DZIP3: variants seen among roughly 807,000 people sequenced by gnomAD.
DZIP3 encodes E3 ubiquitin-protein ligase DZIP3.
DZIP3 carries 118 observed loss-of-function variants against 162.0 expected under a neutral mutation model. That is an observed-to-expected ratio of 0.73 (90% CI 0.63 to 0.85). The LOEUF is 0.85. Among genes scored for constraint, DZIP3 ranks in the 40% least tolerant of loss-of-function variants. The pLI, the probability that DZIP3 is intolerant of heterozygous loss-of-function variation, is 0.00. For missense variants in DZIP3, 1,331 were observed against 1,407.0 expected (o/e 0.95, Z 0.86); for synonymous variants, 438 against 458.6 (o/e 0.96, Z 0.57).
rs1940689745 is a variant in DZIP3, at chr3:108,611,236, G to A, written c.165G>A (p.Lys55=). Residue 55 remains lysine, a synonymous_variant, in exon 4 of 33, where the codon AAG becomes AAA. Transcript: ENST00000361582. ...CTGTTAACCTACTATTAGAAGTGAAGAAGTTATTAAATGCAATTAATACTC... is the reference window on the plus strand; with the variant it reads ...CTGTTAACCTACTATTAGAAGTGAAAAAGTTATTAAATGCAATTAATACTC... ...LVPVNLLLEV[K]KLLNAINTLP... is the part of the protein sequence containing the mutation. 1 of 1,612,008 alleles carries A rather than the reference G, an allele frequency of 6.2e-7. No homozygotes were observed.
intron 19 of DZIP3, among the ~76,000 whole-genome samples, chr3:108,661,128 T>C (rs1296550204): frequency 6.6e-6 from 1 of 152,190 alleles, no homozygotes; most frequent in East Asian, 1.9e-4. Context: ...AGCCATCCCA[T>C]TACTGGGTAT....
At chr3:108,625,747 A>G in intron 6 of DZIP3, 98 bp from the exon 7 acceptor site, 2 of 1,225,970 alleles carry the variant, frequency 1.6e-6, no homozygotes, top group Non-Finnish European at 2.2e-6. Context: ...TTATTTTTAA[A>G]GCTGCCCTAA....
At chr3:108,626,318 G>A (rs1941587410) in intron 7 of DZIP3, among the ~76,000 whole-genome samples, 1 of 152,142 alleles carries the variant, frequency 6.6e-6, no homozygotes, top group East Asian at 1.9e-4. Context: ...TAATAATAGT[G>A]TAGGGTTCAC....
chr3:108,618,158 A>G (rs1039910052), intron 5 of DZIP3, among the ~76,000 whole-genome samples: 3 of 152,200 alleles, frequency 2.0e-5, no homozygotes, highest in Non-Finnish European at 2.9e-5. Flanking sequence ...ATCTTTGCTG[A>G]TGGGGAGAAG....
Position 108,670,237 on chromosome 3 carries a change from A to G in DZIP3, c.2492+488A>G, listed in dbSNP as rs561834095. Among the ~76,000 whole-genome samples the G allele has an allele frequency of 7.9e-5, 12 of 152,000 alleles. No individual in the cohort carries two copies. The South Asian group carries it at 1.4e-3, about 18-fold the overall frequency. On this transcript the variant is annotated intron_variant, in intron 22 of 32. Coordinates refer to ENST00000361582, the MANE Select transcript of DZIP3 (RefSeq NM_014648.4). ...ACAGAGGTTTACAGTCATCACCACT[A>G]TCTATTTCCAGAACATTTTTATCAC...
Position 108,688,627 on chromosome 3 carries a change from T to C in DZIP3, c.3305T>C (p.Val1102Ala), listed in dbSNP as rs565337919. The change falls in exon 30 of 33, where the codon GTT becomes GCT. Residue 1102 changes from valine (V) to alanine (A), a missense_variant. Val to Ala is a moderately conservative substitution (Grantham distance 64, BLOSUM62 0). This residue lies in a region of DZIP3 where 1,278 missense variants were observed against 1,317.1 expected (regional missense o/e 0.97). Transcript: ENST00000361582. The part of the protein sequence containing the change: ...QGKSVSNVNC[V>A]SPSHSPSQPD... ...AAATCAGTGTCAAATGTTAATTGTGTTTCACCTAGTCATTCTCCATCACAG... is the reference window on the plus strand; with the variant it reads ...AAATCAGTGTCAAATGTTAATTGTGCTTCACCTAGTCATTCTCCATCACAG... The C allele has an allele frequency of 8.1e-6, 13 of 1,613,642 alleles. No individual in the cohort carries two copies. The South Asian group carries it at 1.4e-4, about 18-fold the overall frequency.
intron 32 of DZIP3, among the ~76,000 whole-genome samples, chr3:108,691,997 A>G (rs1576482296): frequency 1.3e-5 from 2 of 151,878 alleles, no homozygotes; most frequent in East Asian, 3.9e-4. Context: ...TTCACGGAAC[A>G]CTCCCACATG....
chr3:108,668,964 C>G (rs1487553246), intron 21 of DZIP3, among the ~76,000 whole-genome samples: 1 of 151,894 alleles, frequency 6.6e-6, no homozygotes, highest in African/African-American at 2.4e-5. Context: ...TATGTAAAAG[C>G]TTGCTTGTGA....
chr3:108,660,800 C>CA (rs1241835089), intron 19 of DZIP3, among the ~76,000 whole-genome samples: 1 of 151,472 alleles, frequency 6.6e-6, no homozygotes, highest in Non-Finnish European at 1.5e-5. Flanking sequence ...AAGAAAAAAA[C>CA]AACCCCATCA....
chr3:108,667,925 C>T (rs960651746), intron 21 of DZIP3, among the ~76,000 whole-genome samples: 1 of 152,010 alleles, frequency 6.6e-6, no homozygotes, highest in Admixed American at 6.6e-5. Context: ...GGCATCAAGG[C>T]AGAATGGACA....
chr3:108,688,945 A>G, intron 31 of DZIP3, 21 bp downstream of exon 31: 1 of 1,602,730 alleles, frequency 6.2e-7, no homozygotes, highest in Non-Finnish European at 8.5e-7. Context: ...AAATTTTCCC[A>G]TTAATCAGCT....
At chr3:108,590,489 C>T (rs966521484) in intron 1 of DZIP3, among the ~76,000 whole-genome samples, 2 of 152,150 alleles carry the variant, frequency 1.3e-5, no homozygotes, top group Non-Finnish European at 2.9e-5. Context: ...TTGGGACATT[C>T]ATGTAAAAAT....
At chr3:108,677,808 A>C (rs1015686550) in intron 26 of DZIP3, among the ~76,000 whole-genome samples, 1 of 152,022 alleles carries the variant, frequency 6.6e-6, no homozygotes. Context: ...GTATCACTGG[A>C]TTTTAGTGAA....
chr3:108,618,529 T>C (rs1941138729), intron 5 of DZIP3, among the ~76,000 whole-genome samples: 2 of 152,152 alleles, frequency 1.3e-5, no homozygotes, highest in African/African-American at 4.8e-5. Flanking sequence ...TGGCTCTAGA[T>C]TCTATGGTCT....
At chr3:108,676,915 A>G (rs1405508913) in intron 25 of DZIP3, among the ~76,000 whole-genome samples, 1 of 152,094 alleles carries the variant, frequency 6.6e-6, no homozygotes, top group African/African-American at 2.4e-5. Context: ...CAATGCCAAA[A>G]AATGTTGAAA....
At chr3:108,665,998 T>C (rs1424990660) in intron 21 of DZIP3, among the ~76,000 whole-genome samples, 1 of 152,056 alleles carries the variant, frequency 6.6e-6, no homozygotes, top group Non-Finnish European at 1.5e-5. Context: ...ATATATATAG[T>C]AGAAGCTTGA....
Position 108,654,203 on chromosome 3 carries a change from G to C in DZIP3, c.2092G>C (p.Val698Leu), listed in dbSNP as rs761746683. The part of the protein sequence containing the change: ...LRKEQANPHS[V>L]SRLIKDDASD... The stretch of plus-strand genomic sequence containing the variant: ...GAAAGAACAAGCAAATCCACACTCA[G>C]TCAGTAGACTTATAAAAGATGATGC... The change falls in exon 19 of 33, where the codon GTC becomes CTC. Residue 698 changes from valine (V) to leucine (L), a missense_variant. Transcript: ENST00000361582. 103 of 1,613,656 alleles carry C rather than the reference G, an allele frequency of 6.4e-5. No individual in the cohort carries two copies. The highest frequency in any genetic ancestry group is 8.3e-5 in the Non-Finnish European group (98 of 1,179,756).
chr3:108,615,240 G>T (rs144760640), intron 4 of DZIP3, among the ~76,000 whole-genome samples: 192 of 152,276 alleles, frequency 1.3e-3, no homozygotes, highest in African/African-American at 4.3e-3. Context: ...CAGATAATTA[G>T]TTTTTATATC....
rs753279981 is a variant in DZIP3, at chr3:108,661,987, C to G, written c.2295+15C>G. On this transcript the variant is annotated intron_variant, in intron 20 of 32. Coordinates refer to ENST00000361582, the MANE Select transcript of DZIP3 (RefSeq NM_014648.4). ...ATCAGTGTGAAGTAAGTATTTTTGC[C>G]ATTAGATCTGATGGAAGTGAGAAGT... The G allele has an allele frequency of 1.9e-6, 3 of 1,609,302 alleles. No homozygotes were observed. Among genetic ancestry groups the G allele is most frequent in the Non-Finnish European group, 2.5e-6 (3 of 1,176,976 alleles).
Sources: gnomAD v4.1 joint callset for allele counts (sites outside exome capture counted in the v4.1 genomes callset) on GRCh38, gnomAD v4.1.1 for gene constraint, gnomAD v4.1.1 regional missense constraint, MANE v1.5 for transcripts, NCBI Gene and HGNC (gene_info 2026-07-23, HGNC 2026-07-21) for gene names.